Variants in PRKG1 observed in about 807,000 individuals in gnomAD.
PRKG1 encodes the protein cGMP-dependent protein kinase 1.
A neutral mutation model predicts 88.1 loss-of-function variants in PRKG1; 35 were observed. The ratio of observed to expected loss-of-function variants is 0.40; its 90% CI spans 0.30 to 0.53. The LOEUF (loss-of-function observed/expected upper bound fraction) is 0.53. Ranked by LOEUF, PRKG1 falls within the 20% of genes least tolerant of loss-of-function variation. PRKG1 has a pLI of 0.59. For missense variants in PRKG1, 540 were observed against 839.8 expected, an observed-to-expected ratio of 0.64 and a Z score of 4.41; for synonymous variants, 303 against 292.5, an observed-to-expected ratio of 1.04 and a Z score of -0.37.
At chr10:51,224,887 G>A (rs980295261) in intron 2 of PRKG1, among the ~76,000 whole-genome samples, 4 of 152,128 alleles carry the variant, frequency 2.6e-5, no homozygotes, top group Admixed American at 1.3e-4. Context: ...CATCCAATTT[G>A]GAAATAATCC....
intron 5 of PRKG1, among the ~76,000 whole-genome samples, chr10:52,039,412 A>C (rs958590295): frequency 1.1e-4 from 17 of 151,980 alleles, no homozygotes; most frequent in Non-Finnish European, 2.5e-4. Context: ...CTGGCCATTT[A>C]CACTTCTTTT....
At chr10:51,329,186 T>C (rs553278780) in intron 2 of PRKG1, among the ~76,000 whole-genome samples, 1 of 152,296 alleles carries the variant, frequency 6.6e-6, no homozygotes, top group Admixed American at 6.5e-5. Flanking sequence ...TCTAATAGTT[T>C]TATAGTTTTT....
intron 3 of PRKG1, among the ~76,000 whole-genome samples, chr10:51,686,786 A>G (rs1158522172): frequency 6.6e-6 from 1 of 152,164 alleles, no homozygotes; most frequent in African/African-American, 2.4e-5. Context: ...GGAAGGCTAG[A>G]GTGCAGTGGT....
At chr10:51,531,061 C>T (rs940075922) in intron 3 of PRKG1, among the ~76,000 whole-genome samples, 7 of 152,124 alleles carry the variant, frequency 4.6e-5, no homozygotes, top group African/African-American at 1.7e-4. Flanking sequence ...AGGAGAAAAA[C>T]ATAGGTTAAT....
At chr10:51,231,053 G>A (rs1838831178) in intron 2 of PRKG1, among the ~76,000 whole-genome samples, 1 of 152,164 alleles carries the variant, frequency 6.6e-6, no homozygotes, top group South Asian at 2.1e-4. Flanking sequence ...AGTCAGCTAG[G>A]TTGGCTTCAG....
intron 3 of PRKG1, among the ~76,000 whole-genome samples, chr10:51,776,430 C>T (rs561396840): frequency 3.3e-5 from 5 of 152,154 alleles, no homozygotes; most frequent in East Asian, 1.9e-4. Context: ...TGGGACCTGA[C>T]GACTATTTTT....
At chr10:52,032,267 A>T (rs1031075637) in intron 5 of PRKG1, among the ~76,000 whole-genome samples, 3 of 152,214 alleles carry the variant, frequency 2.0e-5, no homozygotes, top group Non-Finnish European at 4.4e-5. Context: ...AACTGTTTGT[A>T]AGATTAGTAG....
At chr10:51,149,828 C>T (rs556356728) in intron 1 of PRKG1, among the ~76,000 whole-genome samples, 3 of 151,966 alleles carry the variant, frequency 2.0e-5, no homozygotes, top group Non-Finnish European at 4.4e-5. Flanking sequence ...AGTATTTACA[C>T]CATGGAAATT....
chr10:51,178,226 T>C (rs1198545037), intron 2 of PRKG1, among the ~76,000 whole-genome samples: 4 of 152,218 alleles, frequency 2.6e-5, no homozygotes, highest in South Asian at 2.1e-4. Flanking sequence ...AGTCTAAATA[T>C]GCACATTATC....
intron 5 of PRKG1, among the ~76,000 whole-genome samples, chr10:51,999,286 A>C (rs1426925374): frequency 6.6e-6 from 1 of 152,162 alleles, no homozygotes; most frequent in Non-Finnish European, 1.5e-5. Context: ...ACAGAACTAC[A>C]ATTTGTGTCA....
chr10:51,159,828 G>C (rs984676189), intron 2 of PRKG1, among the ~76,000 whole-genome samples: 2 of 152,112 alleles, frequency 1.3e-5, no homozygotes, highest in African/African-American at 4.8e-5. Context: ...GAGGAAAAAA[G>C]GGAAGCATTC....
chr10:51,714,146 A>AT (rs956139165), intron 3 of PRKG1, among the ~76,000 whole-genome samples: 49 of 151,952 alleles, frequency 3.2e-4, no homozygotes, highest in African/African-American at 9.9e-4. Context: ...AGCCCGGTTA[A>AT]TTTTTTGTAT....
intron 2 of PRKG1, among the ~76,000 whole-genome samples, chr10:51,425,311 G>A (rs1201159123): frequency 6.6e-6 from 1 of 152,132 alleles, no homozygotes; most frequent in African/African-American, 2.4e-5. Context: ...TTCCAGTTGT[G>A]AAGAAAATGT....
chr10:51,248,385 A>G (rs918611475), intron 2 of PRKG1, among the ~76,000 whole-genome samples: 1 of 151,862 alleles, frequency 6.6e-6, no homozygotes, highest in African/African-American at 2.4e-5. Context: ...AATAGTTTGC[A>G]TATTATTATT....
At chr10:51,025,505 C>T (rs936861589) in intron 1 of PRKG1, among the ~76,000 whole-genome samples, 4 of 152,124 alleles carry the variant, frequency 2.6e-5, no homozygotes, top group Non-Finnish European at 5.9e-5. Flanking sequence ...CTGAGAAGCT[C>T]CTTAAGGACC....
intron 2 of PRKG1, among the ~76,000 whole-genome samples, chr10:51,235,945 T>C (rs1052421511): frequency 2.6e-5 from 4 of 152,140 alleles, no homozygotes; most frequent in Non-Finnish European, 5.9e-5. Context: ...TTCTCAAATT[T>C]TGAATGTATC....
intron 3 of PRKG1, among the ~76,000 whole-genome samples, chr10:51,600,921 T>TGA (rs35381319): frequency 4.0e-5 from 6 of 148,474 alleles, no homozygotes; most frequent in African/African-American, 9.9e-5. Flanking sequence ...AGTTCATTTT[T>TGA]GAGAGAGAGA....
chr10:51,889,216 C>T (rs1209237540), intron 4 of PRKG1, among the ~76,000 whole-genome samples: 3 of 120,166 alleles, frequency 2.5e-5, no homozygotes, highest in Non-Finnish European at 3.4e-5. Flanking sequence ...CCCCTCCCCC[C>T]ACCCCACAAC....
chr10:51,351,270 AC>A (rs1219251250), intron 2 of PRKG1, among the ~76,000 whole-genome samples: 1 of 152,198 alleles, frequency 6.6e-6, no homozygotes, highest in Non-Finnish European at 1.5e-5. Context: ...TTGGGTATTT[AC>A]CCAGTAATGG....
Sources: gnomAD v4.1 joint callset for allele counts (sites outside exome capture counted in the v4.1 genomes callset) on GRCh38, gnomAD v4.1.1 for gene constraint, MANE v1.5 for transcripts, NCBI Gene and HGNC (gene_info 2026-07-23, HGNC 2026-07-21) for gene names.